Variants in PACS1 observed in about 807,000 individuals in gnomAD.
PACS1 encodes the protein PACS-1.
A neutral mutation model predicts 115.0 loss-of-function variants in PACS1; 24 were observed. The ratio of observed to expected loss-of-function variants is 0.21; its 90% CI spans 0.15 to 0.29. PACS1 has a LOEUF of 0.29. PACS1 is among the 10% of genes least tolerant of loss of function. The probability of loss-of-function intolerance (pLI) is 1.00; values close to 1 mark genes in which losing one functional copy is unlikely to be tolerated. For missense variants in PACS1, 838 were observed against 1,251.2 expected, an observed-to-expected ratio of 0.67 and a Z score of 4.98; for synonymous variants, 453 against 504.5, an observed-to-expected ratio of 0.90 and a Z score of 1.37.
chr11:66,108,586 G>C (rs1412183091), intron 1 of PACS1, among the ~76,000 whole-genome samples: 1 of 151,920 alleles, frequency 6.6e-6, no homozygotes, highest in Non-Finnish European at 1.5e-5. Flanking sequence ...TGAGTATTAA[G>C]ATCTTATCTC....
intron 10 of PACS1, among the ~76,000 whole-genome samples, chr11:66,225,320 G>T (rs958123718): frequency 6.6e-6 from 1 of 152,136 alleles, no homozygotes; most frequent in African/African-American, 2.4e-5. Flanking sequence ...CCAAACACTT[G>T]GTCAGACACA....
At chr11:66,175,307 T>C (rs1256186606) in intron 1 of PACS1, among the ~76,000 whole-genome samples, 1 of 152,236 alleles carries the variant, frequency 6.6e-6, no homozygotes, top group Non-Finnish European at 1.5e-5. Flanking sequence ...CTTCTTTGTC[T>C]TTGGTATTCT....
intron 1 of PACS1, among the ~76,000 whole-genome samples, chr11:66,136,382 C>G (rs1207841281): frequency 1.3e-5 from 2 of 150,780 alleles, no homozygotes; most frequent in African/African-American, 4.9e-5. Context: ...CAAAATATTC[C>G]TGAGTGCAGG....
chr11:66,220,857 C>G, intron 9 of PACS1, 66 bp downstream of exon 9: 1 of 1,508,392 alleles, frequency 6.6e-7, no homozygotes. Flanking sequence ...CTCCTGACCC[C>G]TCCCTCGCTG....
rs183893721 is a variant in PACS1, at chr11:66,089,052, G to A, written c.356+18210G>A. On this transcript the variant is annotated intron_variant, in intron 1 of 23. Transcript: ENST00000320580. ...ATAGAGGACTCTTTTTTAAGCTGTA[G>A]GCCCTACAAAACCTCATTCTATCCC... is the stretch of plus-strand genomic sequence containing the variant. Among the ~76,000 whole-genome samples the A allele has an allele frequency of 7.2e-4, 110 of 152,060 alleles. No individual in the cohort carries two copies. In the Middle Eastern group the frequency reaches 0.01, roughly 14 times the overall value.
chr11:66,238,613 A>C (rs996993068), intron 19 of PACS1, 191 bp from the exon 20 acceptor site: 4 of 585,392 alleles, frequency 6.8e-6, no homozygotes, highest in Non-Finnish European at 1.2e-5. Context: ...CGATTCTCCT[A>C]TCTCAGCCTC....
Position 66,138,955 on chromosome 11 carries a change from A to G in PACS1, c.357-54531A>G, listed in dbSNP as rs543103775. ...CTCAGCCTCCCAAAGTGCTGGGATT[A>G]CAGGTGTGAGCCACTGTGCCTGGCC... On this transcript the variant is annotated intron_variant, in intron 1 of 23. Coordinates refer to ENST00000320580, the MANE Select transcript of PACS1 (RefSeq NM_018026.4). 4.0e-4 allele frequency among the ~76,000 whole-genome samples: 46 copies of G among 114,386 alleles called. No homozygotes were observed. The East Asian group carries it at 9.2e-3, about 23-fold the overall frequency. The allele number at this position is 114,386 out of a possible 152,430, so 75.0% of individuals were successfully genotyped here.
chr11:66,240,323 G>A (rs938806640), intron 21 of PACS1, among the ~76,000 whole-genome samples: 2 of 152,144 alleles, frequency 1.3e-5, no homozygotes, highest in Non-Finnish European at 2.9e-5. Flanking sequence ...GGGTGGAGGG[G>A]TGGGCTCCTG....
At chr11:66,175,647 T>G (rs1022236510) in intron 1 of PACS1, among the ~76,000 whole-genome samples, 1 of 152,222 alleles carries the variant, frequency 6.6e-6, no homozygotes. Context: ...TTAGGGGACA[T>G]GGAGTGTGCT....
chr11:66,154,369 T>C (rs1859308560), intron 1 of PACS1, among the ~76,000 whole-genome samples: 1 of 151,886 alleles, frequency 6.6e-6, no homozygotes, highest in African/African-American at 2.4e-5. Flanking sequence ...AGCCTGGGAA[T>C]TCAAGGCTGC....
chr11:66,150,045 G>A (rs986525830), intron 1 of PACS1, among the ~76,000 whole-genome samples: 1 of 151,998 alleles, frequency 6.6e-6, no homozygotes, highest in Non-Finnish European at 1.5e-5. Flanking sequence ...CACCACGCTC[G>A]GCCAAAACTG....
At chr11:66,161,743 A>G (rs575911068) in intron 1 of PACS1, among the ~76,000 whole-genome samples, 29 of 152,350 alleles carry the variant, frequency 1.9e-4, no homozygotes, top group Non-Finnish European at 3.7e-4. Flanking sequence ...TAGAAATTCA[A>G]TTGGCTACAT....
intron 1 of PACS1, among the ~76,000 whole-genome samples, chr11:66,158,264 C>T (rs1172171313): frequency 6.6e-6 from 1 of 152,284 alleles, no homozygotes; most frequent in Non-Finnish European, 1.5e-5. Flanking sequence ...CCACTGTGCC[C>T]GGCCTGCACT....
At chr11:66,230,972 C>G (rs1173884217) in intron 13 of PACS1, 32 bp downstream of exon 13, 19 of 1,612,794 alleles carry the variant, frequency 1.2e-5, no homozygotes, top group Non-Finnish European at 1.6e-5. Flanking sequence ...ACACCAGGAC[C>G]CTCTGAGATT....
At chr11:66,218,872 A>T (rs956299240) in intron 7 of PACS1, among the ~76,000 whole-genome samples, 8 of 151,972 alleles carry the variant, frequency 5.3e-5, no homozygotes, top group Non-Finnish European at 1.2e-4. Flanking sequence ...AAAAAAAAAA[A>T]AAGGCCCAGT....
intron 2 of PACS1, among the ~76,000 whole-genome samples, chr11:66,203,899 T>G (rs1385132095): frequency 3.3e-5 from 5 of 152,064 alleles, no homozygotes; most frequent in Non-Finnish European, 2.9e-5. Flanking sequence ...ACTATGACAC[T>G]ACTAAAAGAA....
intron 11 of PACS1, among the ~76,000 whole-genome samples, chr11:66,229,050 G>T (rs1399069316): frequency 6.6e-6 from 1 of 151,608 alleles, no homozygotes; most frequent in Non-Finnish European, 1.5e-5. Flanking sequence ...GGCCCAGGCT[G>T]GGTCATGGTG....
intron 2 of PACS1, among the ~76,000 whole-genome samples, chr11:66,199,887 C>T (rs537379351): frequency 1.1e-4 from 16 of 151,938 alleles, no homozygotes; most frequent in African/African-American, 2.7e-4. Flanking sequence ...GGTGTAGTGG[C>T]GTACACCTGT....
intron 1 of PACS1, among the ~76,000 whole-genome samples, chr11:66,089,646 A>G (rs1367074747): frequency 1.3e-5 from 2 of 152,104 alleles, no homozygotes; most frequent in African/African-American, 2.4e-5. Flanking sequence ...CTAGCTGACT[A>G]CTCAGAGTTC....
Sources: gnomAD v4.1 joint callset for allele counts (sites outside exome capture counted in the v4.1 genomes callset) on GRCh38, gnomAD v4.1.1 for gene constraint, MANE v1.5 for transcripts, NCBI Gene and HGNC (gene_info 2026-07-23, HGNC 2026-07-21) for gene names.